ELMO1: variants seen among roughly 807,000 people sequenced by gnomAD.
The protein encoded by ELMO1 is engulfment and cell motility protein 1.
Under a neutral mutation model 98.9 loss-of-function variants are expected in ELMO1, and 26 were observed. The ratio of observed to expected loss-of-function variants is 0.26; its 90% CI spans 0.19 to 0.36. The LOEUF (loss-of-function observed/expected upper bound fraction) is 0.36. Ranked by LOEUF, ELMO1 falls within the 10% of genes least tolerant of loss-of-function variation. The pLI, the probability that ELMO1 is intolerant of heterozygous loss-of-function variation, is 1.00. For missense variants in ELMO1, 627 were observed against 935.2 expected (o/e 0.67, Z 4.30); for synonymous variants, 346 against 346.0 (o/e 1.00, Z 0.00).
At chr7:37,065,265 C>T (rs1796895650) in intron 15 of ELMO1, among the ~76,000 whole-genome samples, 2 of 151,890 alleles carry the variant, frequency 1.3e-5, no homozygotes, top group Admixed American at 1.3e-4. Context: ...CCTCGCACCT[C>T]AGCCTCTCAA....
intron 16 of ELMO1, among the ~76,000 whole-genome samples, chr7:36,984,450 C>T (rs184139157): frequency 1.8e-3 from 269 of 152,316 alleles, no homozygotes; most frequent in African/African-American, 6.1e-3. Context: ...GAAGGTCTCT[C>T]CCAGACACCC....
chr7:36,897,988 A>G (rs1806174248), intron 16 of ELMO1, among the ~76,000 whole-genome samples: 1 of 152,222 alleles, frequency 6.6e-6, no homozygotes, highest in African/African-American at 2.4e-5. Context: ...AGCTTCACCT[A>G]CTTCACTTCA....
chr7:37,099,777 AG>A (rs1784542787), intron 14 of ELMO1, among the ~76,000 whole-genome samples: 1 of 152,140 alleles, frequency 6.6e-6, no homozygotes, highest in African/African-American at 2.4e-5. Context: ...CTGAAACAAA[AG>A]GCAGAGGTGA....
At chr7:37,182,457 C>CTCTG (rs1458898042) in intron 13 of ELMO1, among the ~76,000 whole-genome samples, 31 of 108 alleles carry the variant, frequency 0.29, 2 homozygotes, top group Middle Eastern at 0.5. Context: ...TGCTCTTGTG[C>CTCTG]TCTACTTTTT....
intron 18 of ELMO1, among the ~76,000 whole-genome samples, chr7:36,883,042 A>G (rs1804614109): frequency 6.6e-6 from 1 of 152,244 alleles, no homozygotes; most frequent in African/African-American, 2.4e-5. Flanking sequence ...ACAACAGGGC[A>G]ATATGGTTAC....
At chr7:37,099,866 C>G (rs1050418038) in intron 14 of ELMO1, among the ~76,000 whole-genome samples, 1 of 148,960 alleles carries the variant, frequency 6.7e-6, no homozygotes, top group Non-Finnish European at 1.5e-5. Context: ...TAGTTTCACT[C>G]TTGTTGCCCA....
intron 14 of ELMO1, among the ~76,000 whole-genome samples, chr7:37,118,898 C>T (rs1169982102): frequency 6.6e-6 from 1 of 152,170 alleles, no homozygotes; most frequent in East Asian, 1.9e-4. Context: ...CTCATTTGAA[C>T]TGTGGCTACC....
chr7:37,430,873 G>C (rs1194216044), intron 1 of ELMO1, among the ~76,000 whole-genome samples: 2 of 152,216 alleles, frequency 1.3e-5, no homozygotes, highest in African/African-American at 4.8e-5. Flanking sequence ...AGTGGGTGGT[G>C]ATTAATTTCA....
At chr7:37,236,184 C>T (rs1413912953) in intron 7 of ELMO1, among the ~76,000 whole-genome samples, 1 of 152,138 alleles carries the variant, frequency 6.6e-6, no homozygotes, top group African/African-American at 2.4e-5. Flanking sequence ...AACTACACTC[C>T]AGAGCTCTGT....
At chr7:37,197,448 G>A (rs1792032295) in intron 13 of ELMO1, among the ~76,000 whole-genome samples, 2 of 152,190 alleles carry the variant, frequency 1.3e-5, no homozygotes, top group African/African-American at 2.4e-5. Context: ...GAGTCTGGAC[G>A]TCGTGCTCAC....
At chr7:37,268,436 G>C (rs1439448046) in intron 5 of ELMO1, among the ~76,000 whole-genome samples, 1 of 152,170 alleles carries the variant, frequency 6.6e-6, no homozygotes, top group Admixed American at 6.5e-5. Flanking sequence ...GAGAAGCTGG[G>C]ATTACAGGTG....
At chr7:37,118,247 T>G (rs1327088653) in intron 14 of ELMO1, among the ~76,000 whole-genome samples, 2 of 152,184 alleles carry the variant, frequency 1.3e-5, no homozygotes, top group African/African-American at 4.8e-5. Context: ...TTCCCTTCAA[T>G]GCATACTGTT....
At chr7:36,967,463 T>C (rs1789543794) in intron 16 of ELMO1, among the ~76,000 whole-genome samples, 1 of 152,224 alleles carries the variant, frequency 6.6e-6, no homozygotes, top group Admixed American at 6.5e-5. Context: ...GTGCTCGTCC[T>C]TGGCTTTTGG....
At chr7:37,234,577 G>C (rs1349944853) in intron 7 of ELMO1, among the ~76,000 whole-genome samples, 4 of 152,198 alleles carry the variant, frequency 2.6e-5, no homozygotes, top group Admixed American at 6.5e-5. Flanking sequence ...CGGCTAAGTA[G>C]GTAGTTTGTG....
At chr7:37,073,635 C>T (rs1366934332) in intron 15 of ELMO1, among the ~76,000 whole-genome samples, 2 of 150,488 alleles carry the variant, frequency 1.3e-5, no homozygotes, top group Admixed American at 6.6e-5. Context: ...CTTGCTCTGT[C>T]GTCCAGGCTA....
At chr7:37,016,618 C>A (rs1793949829) in intron 15 of ELMO1, among the ~76,000 whole-genome samples, 1 of 152,200 alleles carries the variant, frequency 6.6e-6, no homozygotes, top group African/African-American at 2.4e-5. Flanking sequence ...ATGTGGATCA[C>A]AGCAAGTGCG....
chr7:37,252,460 G>A (rs1045887954), intron 6 of ELMO1, among the ~76,000 whole-genome samples: 5 of 152,126 alleles, frequency 3.3e-5, no homozygotes, highest in African/African-American at 9.7e-5. Context: ...TGACAAACCT[G>A]ATAAAAACAA....
chr7:37,054,948 A>AT (rs1458186702), intron 15 of ELMO1, among the ~76,000 whole-genome samples: 1 of 152,262 alleles, frequency 6.6e-6, no homozygotes, highest in Non-Finnish European at 1.5e-5. Flanking sequence ...ACATATTAGC[A>AT]TATGTATTGC....
intron 8 of ELMO1, among the ~76,000 whole-genome samples, chr7:37,226,098 C>T (rs1424772221): frequency 6.6e-6 from 1 of 152,078 alleles, no homozygotes; most frequent in African/African-American, 2.4e-5. Context: ...GTCCCTAGTC[C>T]GCTGATTTCC....
Sources: allele counts gnomAD v4.1 joint callset (sites outside exome capture counted in the v4.1 genomes callset), GRCh38; gene constraint gnomAD v4.1.1; transcripts MANE v1.5; gene names NCBI Gene and HGNC (gene_info 2026-07-23, HGNC 2026-07-21).